PRKN: variants seen among roughly 807,000 people sequenced by gnomAD.
PRKN encodes the protein parkin RBR E3 ubiquitin protein ligase, also known as E3 ubiquitin-protein ligase parkin.
PRKN carries 56 observed loss-of-function variants against 59.5 expected under a neutral mutation model. The observed-to-expected ratio is 0.94, with a 90% CI of 0.76 to 1.18. The LOEUF (loss-of-function observed/expected upper bound fraction) is 1.18. PRKN is among the 50% of genes most tolerant of loss of function. The probability of loss-of-function intolerance (pLI) is 0.00; values close to 1 mark genes in which losing one functional copy is unlikely to be tolerated. For synonymous variants in PRKN, 250 were observed against 222.1 expected (o/e 1.13, Z -1.12); for missense variants, 657 against 596.4 (o/e 1.10, Z -1.06).
intron 4 of PRKN, among the ~76,000 whole-genome samples, chr6:162,159,079 T>G (rs1414961855): frequency 6.6e-6 from 1 of 151,984 alleles, no homozygotes; most frequent in African/African-American, 2.4e-5. Flanking sequence ...CACTCACCCT[T>G]AGAGCCCCTC....
intron 2 of PRKN, among the ~76,000 whole-genome samples, chr6:162,272,062 G>C (rs1780414642): frequency 6.6e-6 from 1 of 152,152 alleles, no homozygotes; most frequent in Non-Finnish European, 1.5e-5. Context: ...ACAGGCCTGA[G>C]ACCTTTCTGC....
intron 1 of PRKN, among the ~76,000 whole-genome samples, chr6:162,481,120 G>A (rs770275269): frequency 3.3e-5 from 5 of 152,114 alleles, no homozygotes; most frequent in Admixed American, 6.5e-5. Context: ...ACTGCGCCTG[G>A]CCTAAACTGA....
intron 4 of PRKN, among the ~76,000 whole-genome samples, chr6:162,115,132 T>C (rs1204544784): frequency 6.6e-6 from 1 of 152,106 alleles, no homozygotes; most frequent in East Asian, 1.9e-4. Context: ...TAAGGAAATG[T>C]GGCACATATA....
intron 3 of PRKN, among the ~76,000 whole-genome samples, chr6:162,248,941 T>C (rs778588999): frequency 6.6e-6 from 1 of 151,958 alleles, no homozygotes; most frequent in Non-Finnish European, 1.5e-5. Flanking sequence ...TGCAGTGGCA[T>C]GATCTCGGCT....
chr6:161,559,532 T>C (rs1161045590), intron 8 of PRKN, among the ~76,000 whole-genome samples: 1 of 152,216 alleles, frequency 6.6e-6, no homozygotes, highest in Admixed American at 6.5e-5. Context: ...TAAATGAGCG[T>C]TGCCTCTGCC....
intron 1 of PRKN, among the ~76,000 whole-genome samples, chr6:162,445,418 G>A (rs1790259880): frequency 6.6e-6 from 1 of 152,004 alleles, no homozygotes; most frequent in Non-Finnish European, 1.5e-5. Context: ...CAGGCACAAT[G>A]GCTCAAGCCT....
At position 161,527,362 on chromosome 6, in the gene PRKN, TTTG is replaced by T. The variant is rs1325174799; in HGVS notation, c.1083+21489_1083+21491del. Among the ~76,000 whole-genome samples, 1 of 152,214 alleles carries T rather than the reference TTTG, an allele frequency of 6.6e-6. No individual in the cohort carries two copies. The highest frequency in any genetic ancestry group is 2.4e-5 in the African/African-American group (1 of 41,452). Reference sequence around the variant, plus strand: ...TCAAGTATGAACTTGGAGCCAGGGCTTTGGTGTACATTTCTGTAATTTGTGCTT... The same window carrying T: ...TCAAGTATGAACTTGGAGCCAGGGCTGTGTACATTTCTGTAATTTGTGCTT... On this transcript the variant is annotated intron_variant, in intron 9 of 11. Coordinates refer to ENST00000366898, the MANE Select transcript of PRKN (RefSeq NM_004562.3). The surrounding 1 kb of genome is among the most constrained non-coding windows in gnomAD (Gnocchi z 4.6).
chr6:162,171,158 C>G (rs1004492198), intron 4 of PRKN, among the ~76,000 whole-genome samples: 4 of 151,688 alleles, frequency 2.6e-5, no homozygotes, highest in Admixed American at 2.6e-4. Context: ...GCAGGAACTA[C>G]GCATTGCAAC....
At chr6:161,732,589 G>A (rs997043321) in intron 7 of PRKN, among the ~76,000 whole-genome samples, 10 of 151,950 alleles carry the variant, frequency 6.6e-5, no homozygotes, top group African/African-American at 2.4e-4. Context: ...TGTACACGAT[G>A]CAAAGAAATA....
intron 4 of PRKN, among the ~76,000 whole-genome samples, chr6:162,200,833 C>G (rs567346836): frequency 2.6e-5 from 4 of 152,074 alleles, no homozygotes; most frequent in Admixed American, 6.6e-5. Flanking sequence ...CTAATCACAC[C>G]GTAACAGAAG....
intron 2 of PRKN, among the ~76,000 whole-genome samples, chr6:162,312,863 T>C (rs1383009196): frequency 6.6e-6 from 1 of 152,168 alleles, no homozygotes; most frequent in African/African-American, 2.4e-5. Context: ...ACATTCAGGT[T>C]AAGAGTATCT....
rs537632200 is a variant in PRKN, at chr6:161,454,948, T to C, written c.1084-68071A>G. ...TCATAACACTGGTTTCTCTAGACAT[T>C]ATATTACATCTAGATTTGTCATATC... is the stretch of plus-strand genomic sequence containing the variant. On this transcript the variant is annotated intron_variant, in intron 9 of 11. Coordinates refer to ENST00000366898, the MANE Select transcript of PRKN (RefSeq NM_004562.3). This position sits in a 1 kb window ranked among gnomAD's most constrained non-coding sequence, Gnocchi z 4.6. Among the ~76,000 whole-genome samples the C allele has an allele frequency of 9.1e-4, 139 of 152,312 alleles. No individual in the cohort carries two copies. Among genetic ancestry groups the C allele is most frequent in the Non-Finnish European group, 1.2e-3 (80 of 68,026 alleles).
chr6:162,321,501 C>T (rs185874486), intron 2 of PRKN, among the ~76,000 whole-genome samples: 1 of 151,822 alleles, frequency 6.6e-6, no homozygotes, highest in East Asian at 1.9e-4. Context: ...AAAGTGAAGA[C>T]AAGGCAATAC....
chr6:162,519,800 T>C (rs1778014315), intron 1 of PRKN, among the ~76,000 whole-genome samples: 1 of 152,220 alleles, frequency 6.6e-6, no homozygotes, highest in South Asian at 2.1e-4. Context: ...AGAGATCCTA[T>C]GTTTTAAAGG....
chr6:162,367,101 T>C (rs1035147625), intron 2 of PRKN, among the ~76,000 whole-genome samples: 2 of 152,078 alleles, frequency 1.3e-5, no homozygotes, highest in Non-Finnish European at 2.9e-5. Flanking sequence ...CCCCCATGCC[T>C]GCTGTTCTCA....
chr6:162,383,150 G>C (rs143108231), intron 2 of PRKN, among the ~76,000 whole-genome samples: 1 of 152,054 alleles, frequency 6.6e-6, no homozygotes, highest in Admixed American at 6.6e-5. Flanking sequence ...TTAATATTTT[G>C]ACCTCTTCCC....
At chr6:162,162,538 C>A (rs1782802415) in intron 4 of PRKN, among the ~76,000 whole-genome samples, 2 of 151,982 alleles carry the variant, frequency 1.3e-5, no homozygotes, top group Admixed American at 1.3e-4. Flanking sequence ...CTACTGTAAC[C>A]AAGAAACTTT....
chr6:162,332,083 A>G (rs971788882), intron 2 of PRKN, among the ~76,000 whole-genome samples: 1 of 152,132 alleles, frequency 6.6e-6, no homozygotes, highest in Non-Finnish European at 1.5e-5. Context: ...AAAGGTTACA[A>G]ATGCTGGCTC....
At chr6:161,437,571 G>A (rs1788983168) in intron 9 of PRKN, among the ~76,000 whole-genome samples, 1 of 152,174 alleles carries the variant, frequency 6.6e-6, no homozygotes, top group South Asian at 2.1e-4. Context: ...GGGAGCCTGG[G>A]CTAGGCTGGT....
Sources: allele counts gnomAD v4.1 joint callset (sites outside exome capture counted in the v4.1 genomes callset), GRCh38; gene constraint gnomAD v4.1.1; non-coding constraint Gnocchi (gnomAD v3.1); transcripts MANE v1.5; gene names NCBI Gene and HGNC (gene_info 2026-07-23, HGNC 2026-07-21).